The following DMD variants were observed in gnomAD, a reference collection of about 807,000 sequenced individuals.
The protein encoded by DMD is dystrophin, also known as mutant dystrophin.
DMD carries 63 observed loss-of-function variants against 330.1 expected under a neutral mutation model. The ratio of observed to expected loss-of-function variants is 0.19; its 90% confidence interval spans 0.16 to 0.24. The LOEUF (loss-of-function observed/expected upper bound fraction) is 0.24. DMD is among the 10% of genes least tolerant of loss of function. DMD has a pLI of 1.00. For missense variants in DMD, 3,344 were observed against 2,684.1 expected, an observed-to-expected ratio of 1.25 and a Z score of -5.43; for synonymous variants, 1,223 against 959.8, an observed-to-expected ratio of 1.27 and a Z score of -5.07.
chrX:31,778,860 T>A (rs1407522914), intron 50 of DMD, among the ~76,000 whole-genome samples: 1 of 111,850 alleles, frequency 8.9e-6, no homozygotes, highest in African/African-American at 3.2e-5. Flanking sequence ...TGAGCCACCA[T>A]GCCCGGCCTA....
chrX:32,671,897 T>G (rs980967122), intron 9 of DMD, among the ~76,000 whole-genome samples: 2 of 111,739 alleles, frequency 1.8e-5, no homozygotes, highest in Admixed American at 1.9e-4. Flanking sequence ...AGTATGTAAC[T>G]AACTCAAGTG....
chrX:33,081,109 GAACA>G (rs1206878283), intron 1 of DMD, among the ~76,000 whole-genome samples: 2 of 110,386 alleles, frequency 1.8e-5, no homozygotes, highest in Non-Finnish European at 3.8e-5. Context: ...GCCTTTGGAG[GAACA>G]GGGCCAGGAA....
chrX:31,948,554 T>C (rs182094996), intron 45 of DMD, among the ~76,000 whole-genome samples: 1 of 111,337 alleles, frequency 9.0e-6, no homozygotes, highest in East Asian at 2.8e-4. Context: ...TTTTGGTTTG[T>C]TTTTATAGTA....
At chrX:32,321,346 G>A (rs2148663476) in intron 41 of DMD, among the ~76,000 whole-genome samples, 1 of 111,545 alleles carries the variant, frequency 9.0e-6, no homozygotes, top group East Asian at 2.8e-4. Context: ...AAGAGAGAAT[G>A]ATGATGAACT....
chrX:32,470,038 A>C (rs2148469833), intron 22 of DMD, among the ~76,000 whole-genome samples: 1 of 111,771 alleles, frequency 8.9e-6, no homozygotes, highest in East Asian at 2.8e-4. Flanking sequence ...GCAGTAAGAG[A>C]CAATTTTTAT....
chrX:31,511,560 C>T (rs1254787194), intron 55 of DMD, among the ~76,000 whole-genome samples: 37 of 99,254 alleles, frequency 3.7e-4, no homozygotes, highest in Admixed American at 1.5e-3. Flanking sequence ...TCAATTCCCA[C>T]CTATGAGTGA....
intron 15 of DMD, among the ~76,000 whole-genome samples, chrX:32,571,209 G>C (rs182612015): frequency 3.6e-5 from 4 of 111,790 alleles, no homozygotes; most frequent in Non-Finnish European, 7.5e-5. Context: ...ACTGCATTTT[G>C]ATAATCAGTG....
chrX:31,697,720 A>G (rs972963001), intron 52 of DMD, among the ~76,000 whole-genome samples: 2 of 112,374 alleles, frequency 1.8e-5, no homozygotes, highest in African/African-American at 6.5e-5. Flanking sequence ...TACACAAGAA[A>G]TGATTACCTT....
At chrX:32,828,039 G>A (rs2078870859) in intron 4 of DMD, among the ~76,000 whole-genome samples, 1 of 111,383 alleles carries the variant, frequency 9.0e-6, no homozygotes, top group Non-Finnish European at 1.9e-5. Flanking sequence ...AACGGCTCCA[G>A]CTGCATCCAT....
At chrX:32,136,162 T>A (rs2096723747) in intron 44 of DMD, among the ~76,000 whole-genome samples, 1 of 112,685 alleles carries the variant, frequency 8.9e-6, no homozygotes, top group South Asian at 3.6e-4. Context: ...TTAGTAATAT[T>A]TTTCATTGTG....
chrX:32,480,813 T>C (rs1048776396), intron 21 of DMD, among the ~76,000 whole-genome samples: 8 of 110,919 alleles, frequency 7.2e-5, no homozygotes, highest in Non-Finnish European at 1.5e-4. Context: ...ATGTCTGCTA[T>C]GCTTGCTCTT....
chrX:31,121,730 T>G lies in DMD; in HGVS notation c.*189A>C. On this transcript the variant is annotated 3_prime_UTR_variant, in exon 79 of 79. Coordinates refer to ENST00000357033, the MANE Select transcript of DMD (RefSeq NM_004006.3). ...AATCTACAGTATAATACCACTACCC[T>G]TCACAAAAATATAGATTTATTTCTT... 1 of 646,778 alleles carries G rather than the reference T, an allele frequency of 1.5e-6. No homozygotes were observed. The highest frequency in any genetic ancestry group is 2.5e-6 in the Non-Finnish European group (1 of 400,198). 53.3% of individuals were successfully genotyped at this position (646,778 alleles called of 1,213,427 possible).
chrX:32,483,808 G>T (rs1476371872), intron 21 of DMD, among the ~76,000 whole-genome samples: 1 of 32,272 alleles, frequency 3.1e-5, no homozygotes. Context: ...TAGCAAAAAC[G>T]ACTCTGAAGT....
chrX:31,771,688 A>G (rs1223167687), intron 51 of DMD, among the ~76,000 whole-genome samples: 1 of 110,780 alleles, frequency 9.0e-6, no homozygotes, highest in Non-Finnish European at 1.9e-5. Context: ...TTCAGTAGAG[A>G]TGGGGTTTGG....
At chrX:31,919,362 C>T (rs181282727) in intron 47 of DMD, among the ~76,000 whole-genome samples, 1 of 112,186 alleles carries the variant, frequency 8.9e-6, no homozygotes, top group East Asian at 2.8e-4. Context: ...TTGATGTCAC[C>T]CACATCACAG....
At chrX:32,671,985 A>G (rs889148656) in intron 9 of DMD, among the ~76,000 whole-genome samples, 5 of 111,864 alleles carry the variant, frequency 4.5e-5, no homozygotes, top group Admixed American at 3.8e-4. Flanking sequence ...GAAAAATGAC[A>G]GAAAAGAAAA....
chrX:32,012,050 T>C (rs945263843), intron 44 of DMD, among the ~76,000 whole-genome samples: 2 of 112,365 alleles, frequency 1.8e-5, no homozygotes, highest in Non-Finnish European at 3.8e-5. Flanking sequence ...ACTTTCATTA[T>C]CTTCTTTCAT....
rs766781970 is a variant in DMD, at chrX:32,216,979, C to T, written c.6375G>A (p.Gln2125=). 1 of 1,206,311 alleles carries T rather than the reference C, an allele frequency of 8.3e-7. No homozygotes were observed. Among genetic ancestry groups the T allele is most frequent in the Non-Finnish European group, 1.1e-6 (1 of 891,003 alleles). The part of the protein sequence containing the change: ...IFNQWLTEAE[Q]FLRKTQIPEN... ...CAGGAATTTGTGTCTTTCTGAGAAA[C>T]TGTTCAGCTTCTGTTAGCCACTGAT... Residue 2125 remains glutamine (Q), a synonymous_variant, in exon 44 of 79, where the codon CAG becomes CAA. Coordinates refer to ENST00000357033, the MANE Select transcript of DMD (RefSeq NM_004006.3).
intron 60 of DMD, among the ~76,000 whole-genome samples, chrX:31,377,161 G>A (rs2059924547): frequency 8.9e-6 from 1 of 111,925 alleles, no homozygotes; most frequent in South Asian, 3.7e-4. Context: ...GGTAGTGAGA[G>A]TAGAGCGGGA....
Sources: allele counts gnomAD v4.1 joint callset (sites outside exome capture counted in the v4.1 genomes callset), GRCh38; gene constraint gnomAD v4.1.1; transcripts MANE v1.5; gene names NCBI Gene and HGNC (gene_info 2026-07-23, HGNC 2026-07-21).